The following AKAP19 variants were observed in gnomAD, a reference collection of about 807,000 sequenced individuals.
AKAP19 encodes the protein small A-kinase anchoring protein.
the AKAP19 span, among the ~76,000 whole-genome samples, chr2:189,891,486 G>C: frequency 6.6e-6 from 1 of 151,952 alleles, no homozygotes; most frequent in African/African-American, 2.4e-5. Context: ...GCCTCCCAGA[G>C]TGCTGGGATT....
chr2:189,934,122 G>T, the AKAP19 span, among the ~76,000 whole-genome samples: 1 of 152,204 alleles, frequency 6.6e-6, no homozygotes, highest in African/African-American at 2.4e-5. Context: ...TTCAAAGAAT[G>T]TTGAGTCAGT....
the AKAP19 span, among the ~76,000 whole-genome samples, chr2:190,199,505 T>C: frequency 6.6e-6 from 1 of 152,190 alleles, no homozygotes. Context: ...TGAAAAAAAG[T>C]TTTCCTATTT....
At chr2:189,998,837 A>G in the AKAP19 span, among the ~76,000 whole-genome samples, 1 of 137,468 alleles carries the variant, frequency 7.3e-6, no homozygotes, top group Non-Finnish European at 1.5e-5. Flanking sequence ...CAATGATGCA[A>G]TCTTGGCTCA....
At chr2:190,135,010 T>A in the AKAP19 span, among the ~76,000 whole-genome samples, 2 of 152,178 alleles carry the variant, frequency 1.3e-5, no homozygotes, top group Non-Finnish European at 2.9e-5. Flanking sequence ...TTTAACAGGG[T>A]CTTCACTGAA....
the AKAP19 span, among the ~76,000 whole-genome samples, chr2:190,173,670 T>C: frequency 1.3e-5 from 2 of 152,216 alleles, no homozygotes; most frequent in African/African-American, 2.4e-5. Flanking sequence ...CAGACCATCG[T>C]CTTCTAAGTT....
At chr2:189,987,929 A>G in the AKAP19 span, among the ~76,000 whole-genome samples, 1 of 151,936 alleles carries the variant, frequency 6.6e-6, no homozygotes, top group African/African-American at 2.4e-5. Context: ...GGGAGACCAG[A>G]TTTTTATTAT....
chr2:189,908,210 T>TG, the AKAP19 span, among the ~76,000 whole-genome samples: 1 of 151,410 alleles, frequency 6.6e-6, no homozygotes, highest in Non-Finnish European at 1.5e-5. Context: ...TTTTTTTTTT[T>TG]TTTGACAGAG....
At chr2:189,923,541 G>A in the AKAP19 span, 20 of 1,613,924 alleles carry the variant, frequency 1.2e-5, no homozygotes, top group Non-Finnish European at 1.5e-5. Flanking sequence ...GCTGTAGCAG[G>A]AGAGGATGGC....
the AKAP19 span, among the ~76,000 whole-genome samples, chr2:189,883,509 T>TTTTTG: frequency 2.5e-5 from 3 of 118,512 alleles, no homozygotes; most frequent in African/African-American, 1.3e-4. Flanking sequence ...TTCTTCCTGT[T>TTTTTG]TTTTTTTTTT....
the AKAP19 span, among the ~76,000 whole-genome samples, chr2:190,130,183 T>G: frequency 6.6e-6 from 1 of 152,152 alleles, no homozygotes; most frequent in Non-Finnish European, 1.5e-5. Flanking sequence ...ATTCCAGCTA[T>G]TTTTCTCACC....
At chr2:190,013,423 T>C in the AKAP19 span, among the ~76,000 whole-genome samples, 1 of 152,096 alleles carries the variant, frequency 6.6e-6, no homozygotes, top group Non-Finnish European at 1.5e-5. Context: ...TATAATCCTG[T>C]GTATTTCTGT....
At chr2:190,033,911 T>C in the AKAP19 span, among the ~76,000 whole-genome samples, 1 of 152,154 alleles carries the variant, frequency 6.6e-6, no homozygotes, top group African/African-American at 2.4e-5. Context: ...ATATCCAGTT[T>C]CCATTATAGA....
At chr2:189,940,008 G>T in the AKAP19 span, among the ~76,000 whole-genome samples, 39 of 152,080 alleles carry the variant, frequency 2.6e-4, no homozygotes, top group Non-Finnish European at 4.1e-4. Context: ...GGCCAGGTGC[G>T]GTGGCTCACG....
At chr2:189,884,675 T>A in the AKAP19 span, among the ~76,000 whole-genome samples, 1 of 152,200 alleles carries the variant, frequency 6.6e-6, no homozygotes, top group Non-Finnish European at 1.5e-5. Context: ...GGACAGTACT[T>A]CATGTTTTGT....
chr2:189,947,913 A>C, the AKAP19 span, among the ~76,000 whole-genome samples: 1 of 152,140 alleles, frequency 6.6e-6, no homozygotes, highest in African/African-American at 2.4e-5. Context: ...TGTTACATGG[A>C]AATTTGAAGC....
the AKAP19 span, among the ~76,000 whole-genome samples, chr2:189,921,375 A>G: frequency 6.6e-6 from 1 of 152,242 alleles, no homozygotes; most frequent in Non-Finnish European, 1.5e-5. Context: ...GAGAGGTCAA[A>G]TAAGATGAAG....
chr2:190,145,627 A>G, the AKAP19 span, among the ~76,000 whole-genome samples: 1 of 152,130 alleles, frequency 6.6e-6, no homozygotes, highest in Non-Finnish European at 1.5e-5. Context: ...TATTCAGTAC[A>G]GTCACATGTG....
chr2:189,962,551 A>G, the AKAP19 span, among the ~76,000 whole-genome samples: 1 of 152,220 alleles, frequency 6.6e-6, no homozygotes, highest in Non-Finnish European at 1.5e-5. Flanking sequence ...CTCCTAAACA[A>G]AAAATAATCA....
the AKAP19 span, among the ~76,000 whole-genome samples, chr2:190,060,963 A>G: frequency 6.6e-6 from 1 of 152,056 alleles, no homozygotes; most frequent in Non-Finnish European, 1.5e-5. Flanking sequence ...GCTTTGGAAT[A>G]ACCTTTTAAA....
Sources: gnomAD v4.1 joint callset for allele counts (sites outside exome capture counted in the v4.1 genomes callset) on GRCh38, gnomAD v4.1.1 for gene constraint, MANE v1.5 for transcripts, NCBI Gene and HGNC (gene_info 2026-07-23, HGNC 2026-07-21) for gene names.